Variants in ZNRF1 observed in about 807,000 individuals in gnomAD.
The protein encoded by ZNRF1 is zinc and ring finger 1.
ZNRF1 carries 3 observed loss-of-function variants against 18.4 expected under a neutral mutation model. The ratio of observed to expected loss-of-function variants is 0.16; its 90% CI spans 0.07 to 0.42. ZNRF1 has a LOEUF of 0.42. Among genes scored for constraint, ZNRF1 ranks in the 10% least tolerant of loss-of-function variants. The pLI, the probability that ZNRF1 is intolerant of heterozygous loss-of-function variation, is 0.99. For synonymous variants in ZNRF1, 157 were observed against 144.2 expected (o/e 1.09, Z -0.64); for missense variants, 310 against 329.8 (o/e 0.94, Z 0.47).
At chr16:75,025,997 A>G (rs768733302) in intron 1 of ZNRF1, among the ~76,000 whole-genome samples, 3 of 152,204 alleles carry the variant, frequency 2.0e-5, no homozygotes, top group Non-Finnish European at 2.9e-5. Context: ...TTAAATAGGC[A>G]GCATGCTGGT....
At chr16:75,103,391 G>A (rs2036274810) in intron 2 of ZNRF1, among the ~76,000 whole-genome samples, 1 of 152,010 alleles carries the variant, frequency 6.6e-6, no homozygotes, top group Non-Finnish European at 1.5e-5. Flanking sequence ...TCTTTATCTG[G>A]TTCTAAACAC....
intron 1 of ZNRF1, among the ~76,000 whole-genome samples, chr16:75,023,661 G>C (rs2035183632): frequency 6.6e-6 from 1 of 151,308 alleles, no homozygotes; most frequent in African/African-American, 2.4e-5. Flanking sequence ...TCCAGCCTGG[G>C]TGAAAGAGCG....
At chr16:75,045,615 GC>G (rs2035505299) in intron 1 of ZNRF1, among the ~76,000 whole-genome samples, 1 of 152,060 alleles carries the variant, frequency 6.6e-6, no homozygotes, top group Admixed American at 6.6e-5. Flanking sequence ...TGTTGCCCAG[GC>G]TGGCCTCCTG....
intron 1 of ZNRF1, among the ~76,000 whole-genome samples, chr16:75,083,381 G>A (rs2036038026): frequency 6.6e-6 from 1 of 152,222 alleles, no homozygotes; most frequent in Non-Finnish European, 1.5e-5. Context: ...GATTGGGAAA[G>A]CGTGTTTTCC....
At chr16:75,015,382 C>T (rs1381750364) in intron 1 of ZNRF1, among the ~76,000 whole-genome samples, 5 of 152,134 alleles carry the variant, frequency 3.3e-5, no homozygotes, top group Non-Finnish European at 7.4e-5. Context: ...TCGAGACCAG[C>T]TTGACCAACA....
chr16:75,092,315 G>T (rs1002804477), intron 1 of ZNRF1, among the ~76,000 whole-genome samples: 5 of 152,168 alleles, frequency 3.3e-5, no homozygotes, highest in African/African-American at 1.2e-4. Context: ...AGAGGCGATA[G>T]AAAATCCACA....
At chr16:75,003,966 T>C (rs1207497454) in intron 1 of ZNRF1, among the ~76,000 whole-genome samples, 1 of 151,976 alleles carries the variant, frequency 6.6e-6, no homozygotes, top group African/African-American at 2.4e-5. Flanking sequence ...CAGATTTTTT[T>C]TTTTTTTCTT....
intron 1 of ZNRF1, among the ~76,000 whole-genome samples, chr16:75,037,462 C>G (rs1597872517): frequency 6.6e-6 from 1 of 152,244 alleles, no homozygotes; most frequent in East Asian, 1.9e-4. Flanking sequence ...CTCAGCCTCC[C>G]AAGTAGCTGG....
At chr16:75,071,185 C>T (rs1299749772) in intron 1 of ZNRF1, among the ~76,000 whole-genome samples, 2 of 151,874 alleles carry the variant, frequency 1.3e-5, no homozygotes, top group African/African-American at 4.8e-5. Flanking sequence ...CTGCAACCTC[C>T]GCCTCCCGGG....
intron 1 of ZNRF1, among the ~76,000 whole-genome samples, chr16:75,009,467 C>T (rs2034966827): frequency 6.6e-6 from 1 of 152,130 alleles, no homozygotes; most frequent in African/African-American, 2.4e-5. Flanking sequence ...AATTTCCTTT[C>T]TTTTAAAGGT....
chr16:75,098,217 G>T (rs2036221003), intron 2 of ZNRF1, among the ~76,000 whole-genome samples: 1 of 152,238 alleles, frequency 6.6e-6, no homozygotes, highest in South Asian at 2.1e-4. Flanking sequence ...GCCGCTGCTG[G>T]GTGTATGAGG....
intron 1 of ZNRF1, chr16:75,046,927 C>G (rs1193658128): frequency 6.5e-6 from 1 of 153,802 alleles, no homozygotes; most frequent in Non-Finnish European, 1.5e-5. Flanking sequence ...TAGTGATCAT[C>G]TACGTGTTAG....
Position 74,999,595 on chromosome 16 carries a change from C to G in ZNRF1, c.-77C>G, listed in dbSNP as rs1471755967. The G allele has an allele frequency of 9.0e-7, 1 of 1,109,124 alleles. No individual in the cohort carries two copies. The highest frequency in any genetic ancestry group is 1.2e-6 in the Non-Finnish European group (1 of 859,478). The allele number at this position is 1,109,124 out of a possible 1,614,324, so 68.7% of individuals were successfully genotyped here. On this transcript the variant is annotated 5_prime_UTR_variant, in exon 1 of 5. Transcript: ENST00000335325. ...GACTCCCTCCCCCTTTATGCTCGCC[C>G]AGCCCTCCCCCTGCTGCTGAGAAGT...
chr16:75,100,861 A>G (rs527775954), intron 2 of ZNRF1, among the ~76,000 whole-genome samples: 2 of 152,326 alleles, frequency 1.3e-5, no homozygotes, highest in South Asian at 4.1e-4. Context: ...TCACTAAGCT[A>G]TGCTGTTTTT....
intron 1 of ZNRF1, among the ~76,000 whole-genome samples, chr16:75,059,245 C>CTTTTTTTTTTTTTTTTTTTTT (rs59289376): frequency 1.5e-5 from 1 of 66,978 alleles, no homozygotes; most frequent in African/African-American, 5.2e-5. Flanking sequence ...TTTTTTTTTT[C>CTTTTTTTTTTTTTTTTTTTTT]TTTTTTTTTT....
intron 1 of ZNRF1, among the ~76,000 whole-genome samples, chr16:75,022,200 A>G (rs757194897): frequency 1.6e-4 from 24 of 152,002 alleles, no homozygotes; most frequent in Non-Finnish European, 3.2e-4. Flanking sequence ...GGTTGCAGTG[A>G]GATGAGATCA....
intron 1 of ZNRF1, among the ~76,000 whole-genome samples, chr16:75,034,521 C>T (rs2035352366): frequency 6.6e-6 from 1 of 152,196 alleles, no homozygotes; most frequent in Admixed American, 6.5e-5. Context: ...TCATGCATTG[C>T]ATTTATGGAC....
chr16:75,044,871 ATT>A (rs2035494590), intron 1 of ZNRF1, among the ~76,000 whole-genome samples: 2 of 152,242 alleles, frequency 1.3e-5, no homozygotes, highest in Non-Finnish European at 2.9e-5. Flanking sequence ...ATTTAATATA[ATT>A]CCCTAAGGAG....
intron 1 of ZNRF1, among the ~76,000 whole-genome samples, chr16:75,000,799 C>T (rs1215631966): frequency 6.6e-6 from 1 of 152,170 alleles, no homozygotes; most frequent in Non-Finnish European, 1.5e-5. Flanking sequence ...TTTTCTTCTG[C>T]TCCATGCTAA....
Sources: gnomAD v4.1 joint callset for allele counts (sites outside exome capture counted in the v4.1 genomes callset) on GRCh38, gnomAD v4.1.1 for gene constraint, MANE v1.5 for transcripts, NCBI Gene and HGNC (gene_info 2026-07-23, HGNC 2026-07-21) for gene names.